DCUN1D4: variants seen among roughly 807,000 people sequenced by gnomAD.
DCUN1D4 encodes the protein DCN1-like protein 4.
In DCUN1D4, 22 loss-of-function variants were observed where a neutral mutation model predicts 47.9. That is an observed-to-expected ratio of 0.46 (90% confidence interval 0.33 to 0.66). DCUN1D4 has a LOEUF of 0.66. Among genes scored for constraint, DCUN1D4 ranks in the 30% least tolerant of loss-of-function variants. The pLI is 0.02. For missense variants in DCUN1D4, 301 were observed against 340.8 expected, an observed-to-expected ratio of 0.88 and a Z score of 0.92; for synonymous variants, 121 against 112.2, an observed-to-expected ratio of 1.08 and a Z score of -0.50.
chr4:51,843,280 G>A lies in DCUN1D4; in HGVS notation c.25+13G>A. ...GCCGCCGCTGTCAGTGAGTAGCAGA[G>A]AGCCAGCCAGCGGGCCGGGGCCGGG... On this transcript the variant is annotated intron_variant, in intron 1 of 10. Coordinates refer to ENST00000334635, the MANE Select transcript of DCUN1D4 (RefSeq NM_001040402.3). The A allele has an allele frequency of 1.3e-6, 2 of 1,529,270 alleles. No homozygotes were observed. The highest frequency in any genetic ancestry group is 1.8e-6 in the Non-Finnish European group (2 of 1,138,430). The allele number at this position is 1,529,270 out of a possible 1,614,324, so 94.7% of individuals were successfully genotyped here.
chr4:51,905,836 A>G lies in DCUN1D4; in HGVS notation c.616-5234A>G, dbSNP rs571946638. Among the ~76,000 whole-genome samples, 12 of 152,252 alleles carry G rather than the reference A, an allele frequency of 7.9e-5. No individual in the cohort carries two copies. The South Asian group carries it at 2.3e-3, about 29-fold the overall frequency. ...GTGCTGTTGTTCTCCACAGAGTAGG[A>G]TGTGTTTCTAGCATTGCAGTCCTAC... On this transcript the variant is annotated intron_variant, in intron 8 of 10. Coordinates refer to ENST00000334635, the MANE Select transcript of DCUN1D4 (RefSeq NM_001040402.3).
At chr4:51,882,644 G>A (rs1728847003) in intron 5 of DCUN1D4, among the ~76,000 whole-genome samples, 1 of 152,158 alleles carries the variant, frequency 6.6e-6, no homozygotes, top group African/African-American at 2.4e-5. Context: ...GCGGGCACCT[G>A]TAGTCCCAGC....
intron 5 of DCUN1D4, among the ~76,000 whole-genome samples, chr4:51,880,196 A>G (rs1372791909): frequency 2.6e-5 from 4 of 152,360 alleles, no homozygotes; most frequent in African/African-American, 7.2e-5. Flanking sequence ...GTATTAGTCA[A>G]GAAAAATGAA....
chr4:51,846,674 A>G (rs1215661465), intron 1 of DCUN1D4, among the ~76,000 whole-genome samples: 1 of 152,242 alleles, frequency 6.6e-6, no homozygotes, highest in Non-Finnish European at 1.5e-5. Context: ...TGTATCAGTT[A>G]GGATGCCTTT....
intron 1 of DCUN1D4, among the ~76,000 whole-genome samples, chr4:51,857,300 A>G (rs1252106576): frequency 6.6e-6 from 1 of 152,158 alleles, no homozygotes; most frequent in Non-Finnish European, 1.5e-5. Context: ...CCATTTTTAC[A>G]GCCAGTGTCT....
chr4:51,844,901 T>C, intron 1 of DCUN1D4: 3 of 985,414 alleles, frequency 3.0e-6, no homozygotes, highest in East Asian at 1.1e-4. Context: ...TCGTGCTTTA[T>C]TCCCCGGCCA....
chr4:51,855,622 G>C (rs1261878003), intron 1 of DCUN1D4, among the ~76,000 whole-genome samples: 1 of 152,204 alleles, frequency 6.6e-6, no homozygotes, highest in Non-Finnish European at 1.5e-5. Context: ...GAATATTCAC[G>C]AATTGTGTGG....
intron 1 of DCUN1D4, among the ~76,000 whole-genome samples, chr4:51,851,429 G>A (rs181799746): frequency 5.9e-5 from 9 of 152,264 alleles, no homozygotes; most frequent in Admixed American, 4.6e-4. Flanking sequence ...TGGCATATGG[G>A]GTCAGGTGGG....
intron 6 of DCUN1D4, chr4:51,887,058 T>G (rs965008800): frequency 1.1e-5 from 5 of 453,078 alleles, no homozygotes; most frequent in Admixed American, 9.6e-5. Context: ...TCATCAAGAA[T>G]TTTTCATAGA....
At chr4:51,842,383 A>G (rs1396739665), upstream of DCUN1D4, among the ~76,000 whole-genome samples, 2 of 152,164 alleles carry the variant, frequency 1.3e-5, no homozygotes, top group Admixed American at 6.5e-5. Context: ...AAGCCTCTTT[A>G]ACAGACATTA....
chr4:51,874,247 G>A (rs758024576), intron 3 of DCUN1D4, 24 bp from the exon 4 acceptor site: 1 of 1,549,332 alleles, frequency 6.5e-7, no homozygotes, highest in South Asian at 1.1e-5. Context: ...CCTTAATTTT[G>A]TGCTCTTTGA....
intron 5 of DCUN1D4, among the ~76,000 whole-genome samples, chr4:51,878,424 T>C (rs1728023951): frequency 6.6e-6 from 1 of 152,244 alleles, no homozygotes; most frequent in Non-Finnish European, 1.5e-5. Flanking sequence ...AAGCTCAAGC[T>C]GAAGGCTCTT....
intron 1 of DCUN1D4, chr4:51,844,890 C>CCT (rs1246286904): frequency 1.0e-6 from 1 of 985,360 alleles, no homozygotes; most frequent in East Asian, 1.1e-4. Context: ...GCTCGGCCAA[C>CCT]TCGTGCTTTA....
chr4:51,890,677 AG>A (rs905348677), intron 6 of DCUN1D4, among the ~76,000 whole-genome samples: 7 of 152,232 alleles, frequency 4.6e-5, no homozygotes, highest in African/African-American at 1.7e-4. Flanking sequence ...CACCTCTTCT[AG>A]GATCTTTGAG....
chr4:51,900,544 G>GGTTATA (rs1731950860), intron 8 of DCUN1D4, among the ~76,000 whole-genome samples: 2 of 151,622 alleles, frequency 1.3e-5, no homozygotes, highest in South Asian at 4.2e-4. Context: ...GACCAGCCTG[G>GGTTATA]GTAACATACC....
At chr4:51,894,223 C>T (rs1730885356) in intron 7 of DCUN1D4, among the ~76,000 whole-genome samples, 1 of 152,092 alleles carries the variant, frequency 6.6e-6, no homozygotes, top group South Asian at 2.1e-4. Context: ...TTGATGTCCT[C>T]ATCAGTGAGG....
chr4:51,865,683 T>C (rs1725804028), intron 3 of DCUN1D4: 1 of 152,226 alleles, frequency 6.6e-6, no homozygotes, highest in African/African-American at 2.4e-5. Context: ...GTTTTTCTTT[T>C]TCATTTAATG....
chr4:51,883,956 C>A (rs1360291082), intron 5 of DCUN1D4, among the ~76,000 whole-genome samples: 4 of 148,768 alleles, frequency 2.7e-5, no homozygotes, highest in Middle Eastern at 7.2e-3. Flanking sequence ...TTCTGATAAT[C>A]AAGATAAGAA....
intron 4 of DCUN1D4, among the ~76,000 whole-genome samples, chr4:51,876,056 T>A (rs543887477): frequency 1.3e-5 from 2 of 152,292 alleles, no homozygotes; most frequent in Admixed American, 6.5e-5. Flanking sequence ...CACCTTATTA[T>A]AACCATGTAC....
Sources: gnomAD v4.1 joint callset for allele counts (sites outside exome capture counted in the v4.1 genomes callset) on GRCh38, gnomAD v4.1.1 for gene constraint, MANE v1.5 for transcripts, NCBI Gene and HGNC (gene_info 2026-07-23, HGNC 2026-07-21) for gene names.